The following GPM6B variants were observed in gnomAD, a reference collection of about 807,000 sequenced individuals.
GPM6B encodes the protein neuronal membrane glycoprotein M6-b.
GPM6B carries 4 observed loss-of-function variants against 27.2 expected under a neutral mutation model. That is an observed-to-expected ratio of 0.15 (90% CI 0.07 to 0.34). GPM6B has a LOEUF of 0.34. Among genes scored for constraint, GPM6B ranks in the 10% least tolerant of loss-of-function variants. The pLI, the probability that GPM6B is intolerant of heterozygous loss-of-function variation, is 1.00. For synonymous variants in GPM6B, 124 were observed against 103.1 expected, an observed-to-expected ratio of 1.20 and a Z score of -1.23; for missense variants, 183 against 261.9, an observed-to-expected ratio of 0.70 and a Z score of 2.08.
chrX:13,838,204 G>C (rs1229093795), intron 1 of GPM6B, among the ~76,000 whole-genome samples: 1 of 110,932 alleles, frequency 9.0e-6, no homozygotes, highest in Non-Finnish European at 1.9e-5. Flanking sequence ...ATCACTTCAT[G>C]CGTACCTTTC....
At chrX:13,824,354 G>A (rs942986473) in intron 1 of GPM6B, among the ~76,000 whole-genome samples, 19 of 112,199 alleles carry the variant, frequency 1.7e-4, no homozygotes, top group Admixed American at 2.8e-4. Flanking sequence ...GCTGTGCACT[G>A]GAATCATAGG....
rs1336433620 is a variant in GPM6B, at chrX:13,779,671, T to C, written c.697+147A>G. 15 of 484,622 alleles carry C rather than the reference T, an allele frequency of 3.1e-5. No individual in the cohort carries two copies. In the South Asian group the frequency reaches 9.0e-4, roughly 29 times the overall value. The allele number at this position is 484,622 out of a possible 1,213,427, so 39.9% of individuals were successfully genotyped here. A position where few individuals can be genotyped will look rare whatever the true frequency, so the allele number is the denominator to read the frequency against. On this transcript the variant is annotated intron_variant, in intron 5 of 7. Coordinates refer to ENST00000316715, the MANE Select transcript of GPM6B (RefSeq NM_001001995.3). Reference sequence around the variant, plus strand: ...AAGTTTCCACCCAGAAAATAGCATATTGAAGGGAAAAGTATAAAATTACTC... The same window carrying C: ...AAGTTTCCACCCAGAAAATAGCATACTGAAGGGAAAAGTATAAAATTACTC...
chrX:13,836,551 GC>G (rs2049496342), intron 1 of GPM6B, among the ~76,000 whole-genome samples: 1 of 111,984 alleles, frequency 8.9e-6, no homozygotes, highest in African/African-American at 3.3e-5. Flanking sequence ...AAGCAAAGAT[GC>G]TATGTTTATT....
chrX:13,778,658 CTA>C (rs1157979167), intron 5 of GPM6B, among the ~76,000 whole-genome samples: 2 of 112,138 alleles, frequency 1.8e-5, no homozygotes, highest in Non-Finnish European at 1.9e-5. Flanking sequence ...AAACCAGTAA[CTA>C]TAACAATAAA....
chrX:13,809,280 A>G (rs901662802), intron 1 of GPM6B, among the ~76,000 whole-genome samples: 28 of 112,063 alleles, frequency 2.5e-4, no homozygotes, highest in African/African-American at 9.1e-4. Flanking sequence ...GGAAACCACC[A>G]TACATCCTAC....
At chrX:13,878,850 C>T (rs759096612) in intron 1 of GPM6B, among the ~76,000 whole-genome samples, 2 of 111,947 alleles carry the variant, frequency 1.8e-5, no homozygotes, top group Non-Finnish European at 3.8e-5. Context: ...AAAAACTTAA[C>T]CCACAGTTCC....
chrX:13,814,287 C>T (rs953203983), intron 1 of GPM6B, among the ~76,000 whole-genome samples: 1 of 111,841 alleles, frequency 8.9e-6, no homozygotes, highest in Non-Finnish European at 1.9e-5. Context: ...GGCAATAATG[C>T]CCCAAATTAA....
At chrX:13,774,516 C>T in intron 7 of GPM6B, 2 of 1,206,353 alleles carry the variant, frequency 1.7e-6, no homozygotes, top group Non-Finnish European at 2.2e-6. Flanking sequence ...TGCTACAGAG[C>T]ATAGCTCTCT....
At chrX:13,782,944 C>T (rs1166665917) in intron 4 of GPM6B, among the ~76,000 whole-genome samples, 2 of 111,338 alleles carry the variant, frequency 1.8e-5, no homozygotes, top group Non-Finnish European at 3.8e-5. Context: ...CAGCTAGGCG[C>T]TCTGTACAGC....
rs1009087800 is a variant in GPM6B, at chrX:13,868,908, T to C, written c.-198+69419A>G. On this transcript the variant is annotated intron_variant, in intron 1 of 6. Coordinates refer to the GPM6B transcript ENST00000398361. ...AAAGACATTCCAAAGTGGCTAATCA[T>C]GTATATAAGTACACAATGCTGTTTG... is the stretch of plus-strand genomic sequence containing the variant. 3.6e-5 allele frequency among the ~76,000 whole-genome samples: 4 copies of C among 112,072 alleles called. No homozygotes were observed. In the South Asian group the frequency reaches 1.1e-3, roughly 32 times the overall value.
chrX:13,819,803 A>G (rs2049287149), upstream of GPM6B, among the ~76,000 whole-genome samples: 1 of 112,066 alleles, frequency 8.9e-6, no homozygotes, highest in South Asian at 3.7e-4. Context: ...TGGCATCACA[A>G]CAAAGAAAAT....
At chrX:13,796,605 C>T (rs2048820806) in intron 2 of GPM6B, among the ~76,000 whole-genome samples, 1 of 112,102 alleles carries the variant, frequency 8.9e-6, no homozygotes, top group African/African-American at 3.2e-5. Flanking sequence ...TTCATGCAGT[C>T]CTGGACATAA....
chrX:13,868,302 G>C (rs2049940877), intron 1 of GPM6B, among the ~76,000 whole-genome samples: 1 of 111,551 alleles, frequency 9.0e-6, no homozygotes, highest in Non-Finnish European at 1.9e-5. Flanking sequence ...AGTGAAAATT[G>C]CTAGATTTCA....
chrX:13,842,605 C>G (rs893213511), intron 1 of GPM6B, among the ~76,000 whole-genome samples: 3 of 111,200 alleles, frequency 2.7e-5, no homozygotes, highest in African/African-American at 3.3e-5. Context: ...TGTGGCCAGA[C>G]CTGGTGGCTC....
chrX:13,803,101 T>C (rs760915715), intron 2 of GPM6B, among the ~76,000 whole-genome samples: 1 of 111,508 alleles, frequency 9.0e-6, no homozygotes, highest in Non-Finnish European at 1.9e-5. Context: ...ATGACAAAAA[T>C]CCAGTAGCAT....
chrX:13,785,430 G>A (rs939949951), intron 3 of GPM6B, among the ~76,000 whole-genome samples, 192 bp downstream of exon 3: 3 of 110,939 alleles, frequency 2.7e-5, no homozygotes, highest in Admixed American at 9.6e-5. Flanking sequence ...TTACAGGCAC[G>A]CACCACCACG....
At chrX:13,929,941 A>G (rs1921401897) in intron 1 of GPM6B, among the ~76,000 whole-genome samples, 1 of 111,990 alleles carries the variant, frequency 8.9e-6, no homozygotes, top group Admixed American at 9.5e-5. Flanking sequence ...TCCTACAAAA[A>G]CTAAACAAAT....
chrX:13,935,077 A>G (rs1272761167), intron 1 of GPM6B, among the ~76,000 whole-genome samples: 1 of 112,170 alleles, frequency 8.9e-6, no homozygotes, highest in Non-Finnish European at 1.9e-5. Context: ...TTATAATGCT[A>G]TTTAGTGAAA....
chrX:13,817,265 T>C (rs1317573669), upstream of GPM6B: 1 of 807,764 alleles, frequency 1.2e-6, no homozygotes, highest in Non-Finnish European at 1.5e-6. Context: ...CACCGGGCTC[T>C]TCCTCCTTGC....
Sources: gnomAD v4.1 joint callset for allele counts (sites outside exome capture counted in the v4.1 genomes callset) on GRCh38, gnomAD v4.1.1 for gene constraint, MANE v1.5 for transcripts, NCBI Gene and HGNC (gene_info 2026-07-23, HGNC 2026-07-21) for gene names.